The following SMOC1 variants were observed in gnomAD, a reference collection of about 807,000 sequenced individuals.
The protein encoded by SMOC1 is SPARC-related modular calcium-binding protein 1.
SMOC1 carries 22 observed loss-of-function variants against 56.3 expected under a neutral mutation model. The observed-to-expected ratio is 0.39, with a 90% CI of 0.28 to 0.56. The LOEUF is 0.56. Among genes scored for constraint, SMOC1 ranks in the 20% least tolerant of loss-of-function variants. SMOC1 has a pLI of 0.61. For missense variants in SMOC1, 509 were observed against 565.4 expected, an observed-to-expected ratio of 0.90 and a Z score of 1.01; for synonymous variants, 193 against 215.0, an observed-to-expected ratio of 0.90 and a Z score of 0.89.
At chr14:70,015,956 G>A (rs1231913625) in intron 10 of SMOC1, among the ~76,000 whole-genome samples, 2 of 152,184 alleles carry the variant, frequency 1.3e-5, no homozygotes, top group South Asian at 2.1e-4. Context: ...AAGGAGGTCC[G>A]TGGGCTTAAA....
At chr14:69,999,585 AACT>A (rs1884894357) in intron 7 of SMOC1, among the ~76,000 whole-genome samples, 1 of 152,148 alleles carries the variant, frequency 6.6e-6, no homozygotes, top group African/African-American at 2.4e-5. Flanking sequence ...TTATTTCCAT[AACT>A]GGCCTTCTGG....
intron 3 of SMOC1, among the ~76,000 whole-genome samples, chr14:69,958,634 A>C (rs1197377975): frequency 6.6e-6 from 1 of 152,228 alleles, no homozygotes; most frequent in Non-Finnish European, 1.5e-5. Flanking sequence ...TAGTCTTGTA[A>C]TATGGGTCAA....
Position 70,013,451 on chromosome 14 carries a change from GT to G in SMOC1, c.1008del (p.Gln337ArgfsTer27). ...SLLDALTTDM[V>X]QAINSAAPTG... ...ACTGGATGCTCTCACCACTGACATGGTTCAGGCCATTAACTCAGCAGCGCCC... is the reference window on the plus strand; with the variant it reads ...ACTGGATGCTCTCACCACTGACATGGTCAGGCCATTAACTCAGCAGCGCCC... On this transcript the variant is annotated frameshift_variant, in exon 10 of 12. Coordinates refer to ENST00000361956, the MANE Select transcript of SMOC1 (RefSeq NM_001034852.3). LOFTEE classifies it high-confidence loss of function. The G allele has an allele frequency of 6.2e-7, 1 of 1,614,198 alleles. No individual in the cohort carries two copies. The highest frequency in any genetic ancestry group is 8.5e-7 in the Non-Finnish European group (1 of 1,180,046).
At chr14:69,985,869 A>G (rs368989407) in intron 5 of SMOC1, among the ~76,000 whole-genome samples, 4 of 152,334 alleles carry the variant, frequency 2.6e-5, no homozygotes, top group African/African-American at 9.6e-5. Context: ...ATTCTATTTT[A>G]TTATTAGTTA....
intron 3 of SMOC1, among the ~76,000 whole-genome samples, chr14:69,959,802 TTC>T (rs1883307548): frequency 6.6e-6 from 1 of 152,184 alleles, no homozygotes; most frequent in African/African-American, 2.4e-5. Flanking sequence ...TTAAAAAATG[TTC>T]TGTGGCTTTT....
chr14:69,993,188 G>A (rs61977399), intron 6 of SMOC1, among the ~76,000 whole-genome samples: 8,855 of 152,192 alleles, frequency 0.058, 342 homozygotes, highest in Non-Finnish European at 0.086. Flanking sequence ...TTGTAGGGAC[G>A]TTGAGAGTTG....
At chr14:69,891,633 C>T (rs890081479) in intron 1 of SMOC1, among the ~76,000 whole-genome samples, 1 of 152,138 alleles carries the variant, frequency 6.6e-6, no homozygotes, top group Admixed American at 6.6e-5. Flanking sequence ...CTGCCTTCTC[C>T]CGGCCTGTGC....
At chr14:69,975,965 C>T (rs1001426631) in intron 4 of SMOC1, 151 bp downstream of exon 4, 19 of 676,390 alleles carry the variant, frequency 2.8e-5, no homozygotes, top group African/African-American at 5.3e-5. Flanking sequence ...CATGCTTGCT[C>T]GGAAGTCAGC....
intron 2 of SMOC1, 57 bp from the exon 3 acceptor site, chr14:69,953,363 C>G (rs1013339517): frequency 4.5e-6 from 7 of 1,539,284 alleles, no homozygotes; most frequent in Non-Finnish European, 6.3e-6. Flanking sequence ...CATTTTGTCC[C>G]TCGGCCCCAG....
intron 10 of SMOC1, among the ~76,000 whole-genome samples, chr14:70,021,340 C>T (rs368904260): frequency 2.6e-5 from 4 of 152,224 alleles, no homozygotes; most frequent in Non-Finnish European, 4.4e-5. Flanking sequence ...CTGCAGGGGC[C>T]GTCTTAACAG....
intron 1 of SMOC1, among the ~76,000 whole-genome samples, chr14:69,918,019 C>G (rs980486583): frequency 2.6e-5 from 4 of 152,080 alleles, no homozygotes; most frequent in Admixed American, 2.0e-4. Context: ...GTCTAATTAA[C>G]AAAAATGTAT....
At chr14:69,959,105 G>C (rs1269811002) in intron 3 of SMOC1, among the ~76,000 whole-genome samples, 2 of 151,996 alleles carry the variant, frequency 1.3e-5, no homozygotes, top group African/African-American at 2.4e-5. Context: ...TGTACTTATT[G>C]TCATTATTTA....
chr14:69,907,450 T>C (rs1341063305), intron 1 of SMOC1, among the ~76,000 whole-genome samples: 1 of 152,226 alleles, frequency 6.6e-6, no homozygotes, highest in Non-Finnish European at 1.5e-5. Context: ...TTCTGAGTCT[T>C]CTACCCATTG....
intron 1 of SMOC1, among the ~76,000 whole-genome samples, chr14:69,925,907 A>T (rs1357872115): frequency 6.6e-6 from 1 of 152,158 alleles, no homozygotes; most frequent in Non-Finnish European, 1.5e-5. Context: ...CGAAAGACAG[A>T]CACATCTGGA....
In SMOC1 at chr14:69,998,452, G is replaced by T. The variant is rs541844658; in HGVS notation, c.664+3972G>T. ...AGTTTTTTTTTTTTTTAAATCAGGG[G>T]TTGGCTACCAAGGCATTTCTTAATA... On this transcript the variant is annotated intron_variant, in intron 7 of 11. Transcript: ENST00000361956. Among the ~76,000 whole-genome samples the T allele has an allele frequency of 3.3e-5, 5 of 151,650 alleles. No individual in the cohort carries two copies. In the East Asian group the frequency reaches 9.7e-4, roughly 29 times the overall value.
intron 1 of SMOC1, among the ~76,000 whole-genome samples, chr14:69,920,500 T>C (rs928333909): frequency 2.0e-5 from 3 of 152,216 alleles, no homozygotes; most frequent in South Asian, 2.1e-4. Flanking sequence ...CATATTCAAA[T>C]GGCTCTGTCC....
At chr14:69,997,996 A>G (rs1884830363) in intron 7 of SMOC1, among the ~76,000 whole-genome samples, 1 of 151,924 alleles carries the variant, frequency 6.6e-6, no homozygotes, top group Non-Finnish European at 1.5e-5. Context: ...TCACACTCAG[A>G]CCCTGTGACG....
In SMOC1 at chr14:70,031,637, C is replaced by T. The variant is rs1006808541; in HGVS notation, c.*1379C>T. On this transcript the variant is annotated 3_prime_UTR_variant, in exon 12 of 12. Coordinates refer to ENST00000361956, the MANE Select transcript of SMOC1 (RefSeq NM_001034852.3). Reference sequence around the variant, plus strand: ...CAGCTACAGGGAAATCCCGGCCCAGCTTTCCACAGGCATCACAGGCATCTT... The same window carrying T: ...CAGCTACAGGGAAATCCCGGCCCAGTTTTCCACAGGCATCACAGGCATCTT... The T allele has an allele frequency of 2.6e-5, 4 of 152,302 alleles. No homozygotes were observed. Among genetic ancestry groups the T allele is most frequent in the African/African-American group, 9.6e-5 (4 of 41,462 alleles). The allele number at this position is 152,302 out of a possible 1,614,324, so 9.4% of individuals were successfully genotyped here. A position where few individuals can be genotyped will look rare whatever the true frequency, so the allele number is the denominator to read the frequency against.
intron 7 of SMOC1, among the ~76,000 whole-genome samples, chr14:69,995,765 A>T (rs1284346592): frequency 1.3e-5 from 2 of 152,214 alleles, no homozygotes; most frequent in African/African-American, 4.8e-5. Context: ...TATATTTATT[A>T]TTATCATTAT....
Sources: allele counts gnomAD v4.1 joint callset (sites outside exome capture counted in the v4.1 genomes callset), GRCh38; gene constraint gnomAD v4.1.1; transcripts MANE v1.5; gene names NCBI Gene and HGNC (gene_info 2026-07-23, HGNC 2026-07-21).